The following GAN variants were observed in gnomAD, a reference collection of about 807,000 sequenced individuals.
GAN encodes the protein gigaxonin.
GAN carries 48 observed loss-of-function variants against 71.3 expected under a neutral mutation model. The observed-to-expected ratio is 0.67, with a 90% CI of 0.53 to 0.86. The LOEUF (loss-of-function observed/expected upper bound fraction) is 0.86, where lower values mean the gene tolerates loss of function less well. GAN is among the 40% of genes least tolerant of loss of function. The pLI is 0.00. For missense variants in GAN, 928 were observed against 770.1 expected, an observed-to-expected ratio of 1.21 and a Z score of -2.43; for synonymous variants, 386 against 276.8, an observed-to-expected ratio of 1.39 and a Z score of -3.92.
intron 1 of GAN, among the ~76,000 whole-genome samples, chr16:81,321,624 A>G (rs58594614): frequency 0.025 from 3,851 of 152,292 alleles, 81 homozygotes; most frequent in East Asian, 0.094. Context: ...CTTAAAATCT[A>G]TTTATAATTT....
chr16:81,364,925 C>T lies in GAN; in HGVS notation c.1237-49C>T, dbSNP rs200388432. On this transcript the variant is annotated intron_variant, in intron 7 of 10. Coordinates refer to ENST00000648994, the MANE Select transcript of GAN (RefSeq NM_022041.4). ...GACAGTTTAATATCTGTTCACCTGA[C>T]CTGAATGAGAAATGTTGCCTCTCCC... The T allele has an allele frequency of 4.4e-6, 7 of 1,589,932 alleles. No individual in the cohort carries two copies. In the Middle Eastern group the frequency reaches 6.6e-4, roughly 151 times the overall value.
rs766504625 is a variant in GAN, at chr16:81,377,550, T to A, written c.1748T>A (p.Leu583Gln). Residue 583 changes from leucine (L) to glutamine (Q), a missense_variant, in exon 11 of 11, where the codon CTG (leucine) becomes CAG (glutamine). Transcript: ENST00000648994. ...ATTGCGAATTGCAAGCTTTTCCGCC[T>A]GCAGCTTCAGCAAGGCTTATTCCGT... ...LRIANCKLFR[L>Q]QLQQGLFRIR... 6.2e-7 allele frequency: 1 copy of A among 1,614,244 alleles called. No homozygotes were observed. The highest frequency in any genetic ancestry group is 2.2e-5 in the East Asian group (1 of 44,886).
chr16:81,374,356 A>G (rs925226279), intron 9 of GAN, among the ~76,000 whole-genome samples: 2 of 152,202 alleles, frequency 1.3e-5, no homozygotes, highest in Non-Finnish European at 2.9e-5. Flanking sequence ...TGTGGAGATC[A>G]TTCGAGAATT....
intron 2 of GAN, among the ~76,000 whole-genome samples, chr16:81,354,142 T>C (rs1042833839): frequency 6.6e-6 from 1 of 152,016 alleles, no homozygotes; most frequent in Non-Finnish European, 1.5e-5. Context: ...CAGTTCACCC[T>C]AAAAGGGTTA....
intron 2 of GAN, among the ~76,000 whole-genome samples, chr16:81,353,918 A>C (rs1910394486): frequency 6.6e-6 from 1 of 152,194 alleles, no homozygotes; most frequent in Non-Finnish European, 1.5e-5. Context: ...CTTCTGAAAC[A>C]CTGGAAACCC....
At chr16:81,349,441 C>T (rs1349229252) in intron 1 of GAN, among the ~76,000 whole-genome samples, 5 of 151,962 alleles carry the variant, frequency 3.3e-5, no homozygotes, top group Non-Finnish European at 7.4e-5. Flanking sequence ...TTTAGGAGTT[C>T]GAAACCAGCC....
intron 1 of GAN, among the ~76,000 whole-genome samples, chr16:81,350,306 A>C (rs1420488127): frequency 6.6e-6 from 1 of 152,164 alleles, no homozygotes; most frequent in African/African-American, 2.4e-5. Context: ...AACCACAGTG[A>C]GATACCATAT....
rs28763301 is a variant in GAN at position 81,341,311 on chromosome 16, T to G, written c.168-10272T>G. ...ACAGAGAATGCCACAAAGATACTCCTCGAGAAGAGCAACCCCAAGACACAT... is the reference window on the plus strand; with the variant it reads ...ACAGAGAATGCCACAAAGATACTCCGCGAGAAGAGCAACCCCAAGACACAT... On this transcript the variant is annotated intron_variant, in intron 1 of 10. Transcript: ENST00000648994. 2.1e-3 allele frequency among the ~76,000 whole-genome samples: 324 copies of G among 152,022 alleles called. 1 individual carries two copies. Among genetic ancestry groups the G allele is most frequent in the African/African-American group, 7.5e-3 (309 of 41,438 alleles).
At position 81,357,120 on chromosome 16, in the gene GAN, T is replaced by A. The variant is rs141672817; in HGVS notation, c.851+118T>A. The A allele has an allele frequency of 1.4e-4, 112 of 777,740 alleles. No individual in the cohort carries two copies. The African/African-American group carries it at 1.5e-3, about 11-fold the overall frequency. 48.2% of individuals were successfully genotyped at this position (777,740 alleles called of 1,614,324 possible). A position where few individuals can be genotyped will look rare whatever the true frequency, so the allele number is the denominator to read the frequency against. Reference sequence around the variant, plus strand: ...ACATAATTACATTTGATTTTTTTTTTTATACTTTAAGTTTTAGGGTACATG... The same window carrying A: ...ACATAATTACATTTGATTTTTTTTTATATACTTTAAGTTTTAGGGTACATG... On this transcript the variant is annotated intron_variant, in intron 4 of 10. Transcript: ENST00000648994.
At chr16:81,347,000 T>C (rs954182098) in intron 1 of GAN, among the ~76,000 whole-genome samples, 1 of 152,226 alleles carries the variant, frequency 6.6e-6, no homozygotes, top group African/African-American at 2.4e-5. Flanking sequence ...GCTATATATG[T>C]TGATAACCAG....
chr16:81,348,985 A>T (rs1910210966), intron 1 of GAN, among the ~76,000 whole-genome samples: 1 of 152,114 alleles, frequency 6.6e-6, no homozygotes, highest in South Asian at 2.1e-4. Flanking sequence ...ACCTACCCTC[A>T]AATGTGCCTG....
chr16:81,357,725 T>C, intron 4 of GAN, 85 bp from the exon 5 acceptor site: 1 of 1,246,290 alleles, frequency 8.0e-7, no homozygotes. Context: ...TAAATATTCT[T>C]TAGTAAACTA....
intron 9 of GAN, among the ~76,000 whole-genome samples, chr16:81,372,434 C>T (rs1399961721): frequency 6.6e-6 from 1 of 152,156 alleles, no homozygotes; most frequent in Non-Finnish European, 1.5e-5. Context: ...CTAAATTGTT[C>T]AGGGTCGGTG....
At chr16:81,366,817 G>C (rs1323716632) in intron 9 of GAN, among the ~76,000 whole-genome samples, 1 of 152,028 alleles carries the variant, frequency 6.6e-6, no homozygotes, top group Non-Finnish European at 1.5e-5. Context: ...AAGGGATGAA[G>C]TCTTTTTTTT....
At chr16:81,376,934 C>T (rs903278141) in intron 9 of GAN, among the ~76,000 whole-genome samples, 1 of 152,164 alleles carries the variant, frequency 6.6e-6, no homozygotes, top group Non-Finnish European at 1.5e-5. Flanking sequence ...ATGACAGATG[C>T]AAACAACAGT....
intron 1 of GAN, among the ~76,000 whole-genome samples, chr16:81,331,383 G>T (rs976637285): frequency 6.6e-6 from 1 of 152,264 alleles, no homozygotes; most frequent in Non-Finnish European, 1.5e-5. Context: ...AGGACACTGC[G>T]GGGGAAAAGT....
At chr16:81,322,513 A>G (rs905567350) in intron 1 of GAN, among the ~76,000 whole-genome samples, 2 of 152,244 alleles carry the variant, frequency 1.3e-5, no homozygotes, top group Non-Finnish European at 2.9e-5. Context: ...TGAAATACAG[A>G]CCAATTAAAT....
In GAN at chr16:81,377,638, C is replaced by T; in HGVS notation, c.*42C>T. 9 of 1,547,148 alleles carry T rather than the reference C, an allele frequency of 5.8e-6. No homozygotes were observed. The highest frequency in any genetic ancestry group is 8.0e-6 in the Non-Finnish European group (9 of 1,119,466). On this transcript the variant is annotated 3_prime_UTR_variant, in exon 11 of 11. Coordinates refer to ENST00000648994, the MANE Select transcript of GAN (RefSeq NM_022041.4). ...AGTGCGAGATCCTGACCCAAGAGCA[C>T]CATAACATAGCTCCGAAAGGGAGAG... is the stretch of plus-strand genomic sequence containing the variant.
chr16:81,377,968 G>T lies in GAN; in HGVS notation c.*372G>T. 3.4e-6 allele frequency: 1 copy of T among 292,204 alleles called. No individual in the cohort carries two copies. The allele number at this position is 292,204 out of a possible 1,614,324, so 18.1% of individuals were successfully genotyped here. A position where few individuals can be genotyped will look rare whatever the true frequency, so the allele number is the denominator to read the frequency against. On this transcript the variant is annotated 3_prime_UTR_variant, in exon 11 of 11. Coordinates refer to ENST00000648994, the MANE Select transcript of GAN (RefSeq NM_022041.4). ...ATGTCTGACTGCTGTATTCAAATAC[G>T]TAGCTTTGGTAACAAACAAAATCCG...
Sources: gnomAD v4.1 joint callset for allele counts (sites outside exome capture counted in the v4.1 genomes callset) on GRCh38, gnomAD v4.1.1 for gene constraint, MANE v1.5 for transcripts, NCBI Gene and HGNC (gene_info 2026-07-23, HGNC 2026-07-21) for gene names.